The following CRYL1 variants were observed in gnomAD, a reference collection of about 807,000 sequenced individuals.
CRYL1 encodes the protein crystallin lambda 1.
CRYL1 carries 29 observed loss-of-function variants against 36.6 expected under a neutral mutation model. The observed-to-expected ratio is 0.79, with a 90% confidence interval of 0.59 to 1.08. The LOEUF is 1.08. CRYL1 is among the 50% of genes least tolerant of loss of function. The pLI is 0.00. For synonymous variants in CRYL1, 152 were observed against 151.5 expected (o/e 1.00, Z -0.02); for missense variants, 411 against 407.9 (o/e 1.01, Z -0.06).
chr13:20,430,233 G>A (rs2032028164), intron 5 of CRYL1: 1 of 984,060 alleles, frequency 1.0e-6, no homozygotes, highest in Non-Finnish European at 1.2e-6. Context: ...GTAATTCTTT[G>A]GGTTTTACTC....
intron 3 of CRYL1, among the ~76,000 whole-genome samples, chr13:20,467,778 G>A (rs12876685): frequency 0.34 from 51,564 of 152,016 alleles, 9,365 homozygotes; most frequent in African/African-American, 0.41. Flanking sequence ...CCGAGATTGG[G>A]CTGGAAAGAT....
At chr13:20,417,856 T>C (rs538270838) in intron 5 of CRYL1, among the ~76,000 whole-genome samples, 1 of 152,254 alleles carries the variant, frequency 6.6e-6, no homozygotes, top group East Asian at 1.9e-4. Flanking sequence ...ATGAAACAAA[T>C]GTTAAGTCGA....
chr13:20,475,060 C>G (rs1004169232), intron 3 of CRYL1, among the ~76,000 whole-genome samples: 1 of 152,154 alleles, frequency 6.6e-6, no homozygotes, highest in Non-Finnish European at 1.5e-5. Context: ...AAAGTCCTCT[C>G]GCGATGTCCA....
intron 3 of CRYL1, among the ~76,000 whole-genome samples, chr13:20,479,021 C>G (rs1345786832): frequency 6.6e-6 from 1 of 152,076 alleles, no homozygotes; most frequent in African/African-American, 2.4e-5. Flanking sequence ...CTCGGCCTCC[C>G]CAAGTCTGTA....
intron 4 of CRYL1, among the ~76,000 whole-genome samples, chr13:20,434,047 C>A (rs896185276): frequency 6.6e-5 from 10 of 152,210 alleles, no homozygotes; most frequent in African/African-American, 2.4e-4. Context: ...CTTGGGCACA[C>A]CCCAGCACAG....
chr13:20,456,479 C>CAAAAA (rs71074301), intron 3 of CRYL1, among the ~76,000 whole-genome samples: 13 of 98,710 alleles, frequency 1.3e-4, no homozygotes, highest in South Asian at 3.6e-4. Flanking sequence ...CGTCTCAAAA[C>CAAAAA]AAAAAAAAAA....
chr13:20,431,653 A>C, intron 5 of CRYL1: 1 of 1,081,484 alleles, frequency 9.2e-7, no homozygotes, highest in Non-Finnish European at 1.1e-6. Flanking sequence ...TACTCTAACA[A>C]GTCTATTCAT....
chr13:20,418,089 G>A (rs1302592224), intron 5 of CRYL1, among the ~76,000 whole-genome samples: 1 of 152,170 alleles, frequency 6.6e-6, no homozygotes, highest in Non-Finnish European at 1.5e-5. Context: ...CTTCCTCAGG[G>A]AGATCTCAGT....
At chr13:20,439,970 T>A in intron 3 of CRYL1, 1 of 466,838 alleles carries the variant, frequency 2.1e-6, no homozygotes, top group Non-Finnish European at 3.8e-6. Context: ...AAGCAAGCCA[T>A]AAAAGAATTT....
intron 5 of CRYL1, chr13:20,431,317 G>C (rs541307196): frequency 5.1e-6 from 5 of 985,298 alleles, no homozygotes; most frequent in Non-Finnish European, 6.0e-6. Context: ...CTCCCTACGC[G>C]GTGCAGCTGG....
chr13:20,475,252 C>T (rs1317686345), intron 3 of CRYL1, among the ~76,000 whole-genome samples: 6 of 152,182 alleles, frequency 3.9e-5, no homozygotes, highest in Non-Finnish European at 8.8e-5. Flanking sequence ...CTCTCCCTCC[C>T]TGGCAGGGGT....
chr13:20,414,843 C>T (rs1054948053), intron 5 of CRYL1, among the ~76,000 whole-genome samples: 1 of 152,228 alleles, frequency 6.6e-6, no homozygotes. Context: ...ATGCCTCCCC[C>T]TTGGGCATTT....
chr13:20,404,296 G>A (rs754466397), intron 7 of CRYL1, 54 bp from the exon 8 acceptor site: 9 of 1,223,080 alleles, frequency 7.4e-6, no homozygotes, highest in African/African-American at 1.5e-5. Flanking sequence ...AATTTATCAA[G>A]AGTGTAATTA....
In CRYL1 at chr13:20,525,498, G is replaced by A. The variant is rs1451994755; in HGVS notation, c.41+256C>T. 6.6e-6 allele frequency among the ~76,000 whole-genome samples: 1 copy of A among 152,142 alleles called. No homozygotes were observed. Among genetic ancestry groups the A allele is most frequent in the African/African-American group, 2.4e-5 (1 of 41,440 alleles). Reference sequence around the variant, plus strand: ...CCCCGCGGCCTGGGCGGTCAACCTCGGAACCTCCTGCAACGCTGGCTCCCG... The same window carrying A: ...CCCCGCGGCCTGGGCGGTCAACCTCAGAACCTCCTGCAACGCTGGCTCCCG... On this transcript the variant is annotated intron_variant, in intron 1 of 7. Transcript: ENST00000298248. This position sits in a 1 kb window ranked among gnomAD's most constrained non-coding sequence, Gnocchi z 4.3.
At chr13:20,405,717 TAAG>T (rs1341800222) in intron 6 of CRYL1, among the ~76,000 whole-genome samples, 1 of 152,090 alleles carries the variant, frequency 6.6e-6, no homozygotes, top group Non-Finnish European at 1.5e-5. Flanking sequence ...TCTCAGATTC[TAAG>T]GAGAGGGCCC....
Position 20,414,259 on chromosome 13 carries a change from G to T in CRYL1, c.634-872C>A, listed in dbSNP as rs79433049. Among the ~76,000 whole-genome samples the T allele has an allele frequency of 0.051, 7,522 of 147,292 alleles. 238 individuals are homozygous for T. The highest frequency in any genetic ancestry group is 0.18 in the East Asian group (908 of 5,118). On this transcript the variant is annotated intron_variant, in intron 5 of 7. Coordinates refer to ENST00000298248, the MANE Select transcript of CRYL1 (RefSeq NM_015974.3). ...TATACACTAAAAAGAGATTTTTTGT[G>T]TGTGTGTGTGTGTGTGTGAAATGGT...
At chr13:20,412,732 C>T (rs540016545) in intron 6 of CRYL1, among the ~76,000 whole-genome samples, 19 of 152,270 alleles carry the variant, frequency 1.2e-4, no homozygotes, top group Admixed American at 1.1e-3. Context: ...CCTAATTCCC[C>T]CCAAGCCTTC....
At chr13:20,522,988 C>G (rs929166754) in intron 1 of CRYL1, among the ~76,000 whole-genome samples, 1 of 122,518 alleles carries the variant, frequency 8.2e-6, no homozygotes, top group African/African-American at 3.0e-5. Flanking sequence ...GTGATCTTGG[C>G]TCACTGAAAC....
chr13:20,496,840 G>A (rs866443267), intron 2 of CRYL1, among the ~76,000 whole-genome samples: 3 of 37,548 alleles, frequency 8.0e-5, no homozygotes, highest in Admixed American at 4.8e-4. Context: ...GCAAGACCCC[G>A]TCTCAAAAAA....
Sources: allele counts gnomAD v4.1 joint callset (sites outside exome capture counted in the v4.1 genomes callset), GRCh38; gene constraint gnomAD v4.1.1; non-coding constraint Gnocchi (gnomAD v3.1); transcripts MANE v1.5; gene names NCBI Gene and HGNC (gene_info 2026-07-23, HGNC 2026-07-21).